The following CACNA1E variants were observed in gnomAD, a reference collection of about 807,000 sequenced individuals.
CACNA1E encodes calcium voltage-gated channel subunit alpha1 E, also known as voltage-dependent R-type calcium channel subunit alpha-1E.
A neutral mutation model predicts 259.2 loss-of-function variants in CACNA1E; 40 were observed. That is an observed-to-expected ratio of 0.15 (90% confidence interval 0.12 to 0.20). The LOEUF is 0.20. CACNA1E is among the 10% of genes least tolerant of loss of function. CACNA1E has a pLI of 1.00. For missense variants in CACNA1E, 1,874 were observed against 3,040.1 expected (o/e 0.62, Z 9.02); for synonymous variants, 1,104 against 1,138.5 (o/e 0.97, Z 0.61).
At chr1:181,331,407 G>A (rs1281017360) in intron 1 of CACNA1E, among the ~76,000 whole-genome samples, 2 of 152,162 alleles carry the variant, frequency 1.3e-5, no homozygotes, top group African/African-American at 4.8e-5. Flanking sequence ...ACGGTGGCTG[G>A]TATAAGTCCT....
chr1:181,383,800 G>T (rs1655635172), intron 1 of CACNA1E, among the ~76,000 whole-genome samples: 2 of 152,158 alleles, frequency 1.3e-5, no homozygotes, highest in Non-Finnish European at 2.9e-5. Flanking sequence ...CCAAACTCTG[G>T]CTGTGGAGCG....
In CACNA1E at chr1:181,526,940, G is replaced by A. The variant is rs61814463; in HGVS notation, c.512+15430G>A. Among the ~76,000 whole-genome samples, 561 of 152,302 alleles carry A rather than the reference G, an allele frequency of 3.7e-3. 2 individuals are homozygous for A. Among genetic ancestry groups the A allele is most frequent in the Non-Finnish European group, 6.2e-3 (423 of 68,018 alleles). On this transcript the variant is annotated intron_variant, in intron 3 of 47. Transcript: ENST00000367573. ...TTTATAGTTTATTGATGAGGAAAGGGAAGCATATAATGAACAAATATATTC... is the reference window on the plus strand; with the variant it reads ...TTTATAGTTTATTGATGAGGAAAGGAAAGCATATAATGAACAAATATATTC...
rs1161961177 is a variant in CACNA1E, at chr1:181,799,250, C to T, written c.*416C>T. On this transcript the variant is annotated 3_prime_UTR_variant, in exon 48 of 48. Transcript: ENST00000367573. Reference sequence around the variant, plus strand: ...GCTCTTAACTGGGGAGTAGTGGAGACCATAGGAGAGGACTCTCCTCCCTCA... The same window carrying T: ...GCTCTTAACTGGGGAGTAGTGGAGATCATAGGAGAGGACTCTCCTCCCTCA... 6.3e-6 allele frequency: 1 copy of T among 158,288 alleles called. No individual in the cohort carries two copies. Among genetic ancestry groups the T allele is most frequent in the Non-Finnish European group, 1.4e-5 (1 of 72,118 alleles). The allele number at this position is 158,288 out of a possible 1,614,324, so 9.8% of individuals were successfully genotyped here. A position where few individuals can be genotyped will look rare whatever the true frequency, so the allele number is the denominator to read the frequency against.
At chr1:181,595,769 C>T (rs773832693) in intron 6 of CACNA1E, among the ~76,000 whole-genome samples, 1 of 152,144 alleles carries the variant, frequency 6.6e-6, no homozygotes, top group Non-Finnish European at 1.5e-5. Context: ...GAGCCAGGAG[C>T]CTTGGTCCAC....
Position 181,596,848 on chromosome 1 carries a change from T to C in CACNA1E, c.951+16072T>C, listed in dbSNP as rs540838072. ...CATTGTTAGAAGCTGGGAGAGTGAG[T>C]CAGCAGTACATATGTCCTTAGGGAG... On this transcript the variant is annotated intron_variant, in intron 6 of 47. Coordinates refer to ENST00000367573, the MANE Select transcript of CACNA1E (RefSeq NM_001205293.3). 3.9e-5 allele frequency among the ~76,000 whole-genome samples: 6 copies of C among 151,992 alleles called. No individual in the cohort carries two copies. The East Asian group carries it at 1.2e-3, about 29-fold the overall frequency.
chr1:181,555,397 A>G (rs530508819), intron 3 of CACNA1E, among the ~76,000 whole-genome samples: 1 of 152,384 alleles, frequency 6.6e-6, no homozygotes, highest in South Asian at 2.1e-4. Context: ...AGAAATCATT[A>G]CAGGAACAAG....
chr1:181,665,133 A>G (rs1392953384), intron 7 of CACNA1E, among the ~76,000 whole-genome samples: 1 of 148,258 alleles, frequency 6.7e-6, no homozygotes, highest in Non-Finnish European at 1.5e-5. Flanking sequence ...TAACACTCTG[A>G]TACCTGTATA....
chr1:181,706,163 T>G (rs976455685), intron 7 of CACNA1E, among the ~76,000 whole-genome samples: 11 of 152,208 alleles, frequency 7.2e-5, no homozygotes, highest in Middle Eastern at 3.2e-3. Context: ...TTTTACATTT[T>G]CTATGCCTTG....
At chr1:181,447,683 A>T (rs1006919625) in intron 2 of CACNA1E, among the ~76,000 whole-genome samples, 1 of 152,220 alleles carries the variant, frequency 6.6e-6, no homozygotes, top group Non-Finnish European at 1.5e-5. Flanking sequence ...GAGACCTGGT[A>T]TGGGCCTCCC....
chr1:181,779,966 C>G (rs901115706), intron 38 of CACNA1E, among the ~76,000 whole-genome samples: 1 of 152,142 alleles, frequency 6.6e-6, no homozygotes, highest in African/African-American at 2.4e-5. Context: ...GATGGAGAAG[C>G]CTCATTTTAG....
At chr1:181,778,845 C>T (rs1011798889) in intron 38 of CACNA1E, among the ~76,000 whole-genome samples, 5 of 152,176 alleles carry the variant, frequency 3.3e-5, no homozygotes, top group African/African-American at 9.7e-5. Context: ...CTTGCCCAAG[C>T]TGAACGCAGA....
chr1:181,727,032 G>A (rs1654972726), intron 18 of CACNA1E, among the ~76,000 whole-genome samples: 2 of 152,148 alleles, frequency 1.3e-5, no homozygotes, highest in Admixed American at 6.5e-5. Flanking sequence ...CTGTATCCCT[G>A]GAAACTGTTG....
rs1449189453 is a variant in CACNA1E at position 181,562,002 on chromosome 1, C to T, written c.513-15764C>T. On this transcript the variant is annotated intron_variant, in intron 3 of 47. Coordinates refer to ENST00000367573, the MANE Select transcript of CACNA1E (RefSeq NM_001205293.3). ...CATTTCTCTAATGATTAATAATGTC[C>T]CATCTTTTCATGTGCTTATTTATTC... Among the ~76,000 whole-genome samples the T allele has an allele frequency of 2.6e-5, 4 of 151,868 alleles. No individual in the cohort carries two copies. The East Asian group carries it at 5.8e-4, about 22-fold the overall frequency.
At chr1:181,603,134 T>A (rs1001774130) in intron 6 of CACNA1E, among the ~76,000 whole-genome samples, 1 of 152,204 alleles carries the variant, frequency 6.6e-6, no homozygotes, top group Non-Finnish European at 1.5e-5. Context: ...CCCTTGCTTA[T>A]ATCCTTGGGG....
Position 181,503,923 on chromosome 1 carries a change from A to G in CACNA1E, c.267-6554A>G, listed in dbSNP as rs576819146. Among the ~76,000 whole-genome samples the G allele has an allele frequency of 3.5e-4, 54 of 152,296 alleles. 2 individuals are homozygous for G. The Middle Eastern group carries it at 0.01, about 29-fold the overall frequency. ...AGGTCTTGAAGAAGATTCTGAAGTT[A>G]CACGGAAGGCTTGGATAGCTGTATT... On this transcript the variant is annotated intron_variant, in intron 1 of 47. Transcript: ENST00000367573.
At chr1:181,705,410 A>G (rs1018039510) in intron 7 of CACNA1E, among the ~76,000 whole-genome samples, 1 of 152,260 alleles carries the variant, frequency 6.6e-6, no homozygotes, top group Non-Finnish European at 1.5e-5. Context: ...AGTCACAAAT[A>G]CAAATGTAGT....
At chr1:181,596,538 G>A (rs577579142) in intron 6 of CACNA1E, among the ~76,000 whole-genome samples, 15 of 142,204 alleles carry the variant, frequency 1.1e-4, no homozygotes, top group Non-Finnish European at 1.7e-4. Flanking sequence ...CCAGAGAGTA[G>A]TCTTCCACCC....
intron 1 of CACNA1E, among the ~76,000 whole-genome samples, chr1:181,412,352 G>A (rs148172683): frequency 2.3e-4 from 35 of 152,234 alleles, no homozygotes; most frequent in Admixed American, 9.1e-4. Context: ...GAGGAGGATC[G>A]CTTGTGCCCA....
chr1:181,413,935 G>A (rs919882477), intron 2 of CACNA1E, among the ~76,000 whole-genome samples: 1 of 152,202 alleles, frequency 6.6e-6, no homozygotes, highest in Non-Finnish European at 1.5e-5. Flanking sequence ...TTCACAACGT[G>A]GATCATCTAT....
Sources: gnomAD v4.1 joint callset for allele counts (sites outside exome capture counted in the v4.1 genomes callset) on GRCh38, gnomAD v4.1.1 for gene constraint, MANE v1.5 for transcripts, NCBI Gene and HGNC (gene_info 2026-07-23, HGNC 2026-07-21) for gene names.